The following TOX variants were observed in gnomAD, a reference collection of about 807,000 sequenced individuals.
TOX encodes the protein thymocyte selection associated high mobility group box.
TOX carries 11 observed loss-of-function variants against 53.7 expected under a neutral mutation model. That is an observed-to-expected ratio of 0.20 (90% CI 0.13 to 0.34). The LOEUF (loss-of-function observed/expected upper bound fraction) is 0.34, where lower values mean the gene tolerates loss of function less well. Ranked by LOEUF, TOX falls within the 10% of genes least tolerant of loss-of-function variation. The pLI is 1.00. For missense variants in TOX, 570 were observed against 664.6 expected, an observed-to-expected ratio of 0.86 and a Z score of 1.56; for synonymous variants, 225 against 245.3, an observed-to-expected ratio of 0.92 and a Z score of 0.77.
chr8:59,022,291 C>T (rs1444660485), intron 1 of TOX, among the ~76,000 whole-genome samples: 3 of 152,154 alleles, frequency 2.0e-5, no homozygotes, highest in Non-Finnish European at 2.9e-5. Context: ...TCATTTCAGT[C>T]ACCCACAATT....
chr8:59,055,488 G>A (rs988801568), intron 1 of TOX, among the ~76,000 whole-genome samples: 2 of 152,200 alleles, frequency 1.3e-5, no homozygotes, highest in African/African-American at 4.8e-5. Flanking sequence ...AGTGGCTAGT[G>A]AGGATTCCAG....
intron 4 of TOX, among the ~76,000 whole-genome samples, chr8:58,850,782 T>A (rs1224954301): frequency 6.6e-6 from 1 of 152,196 alleles, no homozygotes; most frequent in African/African-American, 2.4e-5. Flanking sequence ...CTATCTGGAC[T>A]GAAAAAATTT....
chr8:58,911,725 C>G (rs1042386667), intron 3 of TOX, among the ~76,000 whole-genome samples: 1 of 151,758 alleles, frequency 6.6e-6, no homozygotes, highest in East Asian at 1.9e-4. Flanking sequence ...TTTTTTTAAA[C>G]GGAGTTTCAC....
At chr8:58,831,610 C>A (rs1430096234) in intron 5 of TOX, among the ~76,000 whole-genome samples, 3 of 152,124 alleles carry the variant, frequency 2.0e-5, no homozygotes, top group African/African-American at 7.2e-5. Context: ...AATGTTCCAT[C>A]TTTCTTTGCT....
At chr8:58,815,749 G>C in intron 6 of TOX, 25 bp from the exon 7 acceptor site, 1 of 1,576,794 alleles carries the variant, frequency 6.3e-7, no homozygotes, top group Non-Finnish European at 8.6e-7. Context: ...AATGAGCAGA[G>C]TTGGGAGGCT....
intron 3 of TOX, among the ~76,000 whole-genome samples, chr8:58,899,089 G>A (rs1040039413): frequency 1.3e-5 from 2 of 152,106 alleles, no homozygotes; most frequent in South Asian, 2.1e-4. Flanking sequence ...TAGCTCCTAG[G>A]CCTACTTATA....
intron 1 of TOX, among the ~76,000 whole-genome samples, chr8:58,963,701 T>A (rs961262876): frequency 9.9e-5 from 15 of 152,206 alleles, no homozygotes; most frequent in African/African-American, 2.6e-4. Flanking sequence ...TCACCTCTCC[T>A]TAGTGAGGGC....
intron 1 of TOX, among the ~76,000 whole-genome samples, chr8:59,006,864 T>C (rs1054528101): frequency 2.0e-5 from 3 of 152,160 alleles, no homozygotes; most frequent in Non-Finnish European, 4.4e-5. Flanking sequence ...TTAAGCCCAT[T>C]TTGATGTAGG....
intron 1 of TOX, among the ~76,000 whole-genome samples, chr8:58,971,937 T>G (rs1191913723): frequency 1.3e-5 from 2 of 152,220 alleles, no homozygotes; most frequent in Non-Finnish European, 2.9e-5. Context: ...GTGATCCACC[T>G]GCCTTGGCCT....
At chr8:58,836,461 A>C (rs1442329064) in intron 5 of TOX, among the ~76,000 whole-genome samples, 2 of 152,188 alleles carry the variant, frequency 1.3e-5, no homozygotes, top group African/African-American at 4.8e-5. Flanking sequence ...GGGTATTTTA[A>C]TTGAGTGTAC....
intron 3 of TOX, among the ~76,000 whole-genome samples, chr8:58,930,734 GCCTGT>G (rs1342177816): frequency 6.6e-6 from 1 of 152,094 alleles, no homozygotes; most frequent in African/African-American, 2.4e-5. Flanking sequence ...TCCAGAACAG[GCCTGT>G]TTTCATTTAT....
chr8:58,881,173 T>C (rs1811377766), intron 3 of TOX, among the ~76,000 whole-genome samples: 1 of 152,082 alleles, frequency 6.6e-6, no homozygotes. Flanking sequence ...ATGACAAAGA[T>C]TTACCAACTT....
In TOX at chr8:58,862,639, T is replaced by A. The variant is rs145737423; in HGVS notation, c.412-10834A>T. On this transcript the variant is annotated intron_variant, in intron 3 of 8. Coordinates refer to ENST00000361421, the MANE Select transcript of TOX (RefSeq NM_014729.3). ...CTTTCTTTCTGAATTATTTAAATCT[T>A]TACTGACTGTGCACCGAACCATGAA... 5.1e-3 allele frequency among the ~76,000 whole-genome samples: 773 copies of A among 152,262 alleles called. 9 individuals are homozygous for A. The highest frequency in any genetic ancestry group is 0.018 in the African/African-American group (736 of 41,574).
intron 6 of TOX, among the ~76,000 whole-genome samples, chr8:58,819,752 T>A (rs1810242468): frequency 6.6e-6 from 1 of 152,252 alleles, no homozygotes; most frequent in Non-Finnish European, 1.5e-5. Flanking sequence ...ACAAAGCTAT[T>A]GTTATTTAAA....
At chr8:58,819,767 C>A (rs188896684) in intron 6 of TOX, among the ~76,000 whole-genome samples, 253 of 152,184 alleles carry the variant, frequency 1.7e-3, no homozygotes, top group African/African-American at 5.9e-3. Context: ...TTTAAAATAG[C>A]AAAGTATAAA....
intron 1 of TOX, among the ~76,000 whole-genome samples, chr8:59,018,274 C>T (rs1429963898): frequency 6.6e-6 from 1 of 152,012 alleles, no homozygotes; most frequent in Admixed American, 6.6e-5. Flanking sequence ...GGACAAGAAC[C>T]CAGGTGAGAA....
intron 1 of TOX, among the ~76,000 whole-genome samples, chr8:59,060,458 T>A (rs987878263): frequency 6.6e-6 from 1 of 152,170 alleles, no homozygotes; most frequent in Admixed American, 6.5e-5. Flanking sequence ...AAACCCCGTC[T>A]CTACTAAAAA....
intron 3 of TOX, among the ~76,000 whole-genome samples, chr8:58,913,838 T>A (rs1585897490): frequency 6.6e-6 from 1 of 152,220 alleles, no homozygotes; most frequent in East Asian, 1.9e-4. Flanking sequence ...CAATTTGGAT[T>A]TATTTACATT....
At chr8:58,916,019 A>C (rs1407484916) in intron 3 of TOX, among the ~76,000 whole-genome samples, 2 of 35,400 alleles carry the variant, frequency 5.6e-5, no homozygotes, top group Admixed American at 3.2e-4. Context: ...ATAAAAAGAA[A>C]TGAGCAAAGC....
Sources: allele counts gnomAD v4.1 joint callset (sites outside exome capture counted in the v4.1 genomes callset), GRCh38; gene constraint gnomAD v4.1.1; transcripts MANE v1.5; gene names NCBI Gene and HGNC (gene_info 2026-07-23, HGNC 2026-07-21).